Variants in NXPE2 observed in about 807,000 individuals in gnomAD.
NXPE2 encodes neurexophilin and PC-esterase domain family member 2.
Under a neutral mutation model 34.4 loss-of-function variants are expected in NXPE2, and 34 were observed. The ratio of observed to expected loss-of-function variants is 0.99; its 90% CI spans 0.75 to 1.31. The LOEUF (loss-of-function observed/expected upper bound fraction) is 1.31. Ranked by LOEUF, NXPE2 falls within the 40% of genes most tolerant of loss-of-function variation. The pLI, the probability that NXPE2 is intolerant of heterozygous loss-of-function variation, is 0.00. For missense variants in NXPE2, 649 were observed against 672.5 expected, an observed-to-expected ratio of 0.97 and a Z score of 0.39; for synonymous variants, 235 against 231.3, an observed-to-expected ratio of 1.02 and a Z score of -0.15.
intron 1 of NXPE2, 138 bp from the exon 2 acceptor site, chr11:114,679,519 G>T: frequency 3.9e-6 from 2 of 511,188 alleles, no homozygotes; most frequent in Non-Finnish European, 7.0e-6. Flanking sequence ...ATTGACAATA[G>T]AAGATATAAA....
the NXPE2 span, among the ~76,000 whole-genome samples, chr11:114,720,182 A>G: frequency 6.6e-5 from 10 of 152,186 alleles, no homozygotes; most frequent in Non-Finnish European, 8.8e-5. Context: ...AAATAAAGTC[A>G]GAGCAGTGCA....
chr11:114,512,529 G>T, the NXPE2 span, among the ~76,000 whole-genome samples: 3 of 152,096 alleles, frequency 2.0e-5, no homozygotes, highest in Non-Finnish European at 4.4e-5. Flanking sequence ...CGCGACAGTC[G>T]GGAGCCATCC....
At chr11:114,475,226 GTTTTTTTTTTTTTTTTTTTTT>G in the NXPE2 span, among the ~76,000 whole-genome samples, 8 of 88,060 alleles carry the variant, frequency 9.1e-5, no homozygotes, top group Admixed American at 3.0e-4. Flanking sequence ...AATGTGAACT[GTTTTTTTTTTTTTTTTTTTTT>G]TTTTTTTTTT....
the NXPE2 span, among the ~76,000 whole-genome samples, chr11:114,550,554 T>C: frequency 0.23 from 34,626 of 152,028 alleles, 5,583 homozygotes; most frequent in African/African-American, 0.45. Context: ...ATGTCTTATA[T>C]CTTTCAACAG....
the NXPE2 span, among the ~76,000 whole-genome samples, chr11:114,727,753 G>T: frequency 8.4e-6 from 1 of 119,562 alleles, no homozygotes; most frequent in African/African-American, 3.1e-5. Context: ...CTCTTACCCT[G>T]TCCCCCACCC....
the NXPE2 span, among the ~76,000 whole-genome samples, chr11:114,604,611 G>A: frequency 9.9e-5 from 15 of 151,978 alleles, no homozygotes; most frequent in Admixed American, 2.0e-4. Flanking sequence ...ATTACCCACC[G>A]GATACTAAGT....
At chr11:114,721,320 A>G in the NXPE2 span, among the ~76,000 whole-genome samples, 1 of 151,010 alleles carries the variant, frequency 6.6e-6, no homozygotes, top group Admixed American at 6.6e-5. Flanking sequence ...ATGATCCTTC[A>G]GAGCAGGACC....
At chr11:114,734,388 T>C in the NXPE2 span, among the ~76,000 whole-genome samples, 1 of 152,190 alleles carries the variant, frequency 6.6e-6, no homozygotes, top group Non-Finnish European at 1.5e-5. Flanking sequence ...TGAGCAACTT[T>C]TAGGGTAAAG....
At chr11:114,693,758 C>A (rs76217993) in intron 2 of NXPE2, among the ~76,000 whole-genome samples, 1 of 152,118 alleles carries the variant, frequency 6.6e-6, no homozygotes, top group Admixed American at 6.6e-5. Flanking sequence ...CCACAACTTG[C>A]AAGAGAATAG....
At chr11:114,650,288 A>G in the NXPE2 span, among the ~76,000 whole-genome samples, 2 of 152,184 alleles carry the variant, frequency 1.3e-5, no homozygotes, top group African/African-American at 4.8e-5. Flanking sequence ...ATAAAAATGA[A>G]TTGTTAAACG....
chr11:114,740,503 T>C, the NXPE2 span, among the ~76,000 whole-genome samples: 6 of 152,176 alleles, frequency 3.9e-5, no homozygotes, highest in Non-Finnish European at 7.4e-5. Context: ...TGTTGGGTCA[T>C]ATTGTGTCTC....
the NXPE2 span, among the ~76,000 whole-genome samples, chr11:114,739,270 T>C: frequency 6.6e-6 from 1 of 151,534 alleles, no homozygotes; most frequent in Non-Finnish European, 1.5e-5. Flanking sequence ...TTACTACTTA[T>C]TGCCATTATT....
At chr11:114,755,011 A>G in the NXPE2 span, among the ~76,000 whole-genome samples, 1 of 152,290 alleles carries the variant, frequency 6.6e-6, no homozygotes, top group Non-Finnish European at 1.5e-5. Context: ...GTTGCGATCT[A>G]TGAGATTTTT....
At chr11:114,635,730 T>C in the NXPE2 span, among the ~76,000 whole-genome samples, 3 of 152,004 alleles carry the variant, frequency 2.0e-5, no homozygotes, top group African/African-American at 4.8e-5. Flanking sequence ...AATCATGTGG[T>C]TTTTGTCTTT....
the NXPE2 span, chr11:114,553,854 G>A: frequency 6.3e-6 from 6 of 957,318 alleles, no homozygotes; most frequent in Non-Finnish European, 7.5e-6. Flanking sequence ...CATCATCTTG[G>A]TAGCTTGAAA....
the NXPE2 span, among the ~76,000 whole-genome samples, chr11:114,631,671 A>G: frequency 6.6e-6 from 1 of 151,982 alleles, no homozygotes; most frequent in Non-Finnish European, 1.5e-5. Context: ...CTTAAAGTAT[A>G]TATATAAAAA....
the NXPE2 span, among the ~76,000 whole-genome samples, chr11:114,638,333 C>G: frequency 6.6e-5 from 10 of 152,082 alleles, no homozygotes; most frequent in East Asian, 1.2e-3. Context: ...TTAAGCACTT[C>G]TCTGTATTGG....
chr11:114,659,012 A>G, the NXPE2 span, among the ~76,000 whole-genome samples: 1 of 152,166 alleles, frequency 6.6e-6, no homozygotes, highest in Admixed American at 6.5e-5. Flanking sequence ...ACACTGAGAA[A>G]AACCCTTTGT....
chr11:114,606,632 C>T, the NXPE2 span, among the ~76,000 whole-genome samples: 3 of 151,938 alleles, frequency 2.0e-5, no homozygotes, highest in Non-Finnish European at 4.4e-5. Context: ...TAAGTGTTGC[C>T]TCGTGGGAAA....
Sources: allele counts gnomAD v4.1 joint callset (sites outside exome capture counted in the v4.1 genomes callset), GRCh38; gene constraint gnomAD v4.1.1; transcripts MANE v1.5; gene names NCBI Gene and HGNC (gene_info 2026-07-23, HGNC 2026-07-21).